COL4A4: variants seen among roughly 807,000 people sequenced by gnomAD.
COL4A4 encodes the protein collagen type IV alpha 4 chain, also known as collagen alpha-4(IV) chain.
Under a neutral mutation model 192.9 loss-of-function variants are expected in COL4A4, and 105 were observed. That is an observed-to-expected ratio of 0.54 (90% CI 0.46 to 0.64). The LOEUF is 0.64. COL4A4 is among the 30% of genes least tolerant of loss of function. The probability of loss-of-function intolerance (pLI) is 0.00; values close to 1 mark genes in which losing one functional copy is unlikely to be tolerated. For missense variants in COL4A4, 1,967 were observed against 2,169.3 expected (o/e 0.91, Z 1.85); for synonymous variants, 762 against 769.9 (o/e 0.99, Z 0.17).
chr2:227,045,733 C>G (rs1266055787), intron 35 of COL4A4, among the ~76,000 whole-genome samples: 1 of 144,172 alleles, frequency 6.9e-6, no homozygotes, highest in African/African-American at 2.6e-5. Context: ...TGTGCCACTC[C>G]ACTCCAGCCT....
intron 25 of COL4A4, among the ~76,000 whole-genome samples, chr2:227,063,931 G>C (rs370895968): frequency 1.3e-5 from 2 of 151,954 alleles, no homozygotes; most frequent in Non-Finnish European, 2.9e-5. Context: ...AAACAACAAA[G>C]ATATTTTAGC....
intron 36 of COL4A4, 30 bp from the exon 37 acceptor site, chr2:227,042,285 GC>G: frequency 7.9e-7 from 1 of 1,271,364 alleles, no homozygotes; most frequent in Non-Finnish European, 1.2e-6. Flanking sequence ...TTTGCAGATG[GC>G]CAGATAATAA....
chr2:226,971,491 C>T, the COL4A4 span, among the ~76,000 whole-genome samples: 1 of 152,196 alleles, frequency 6.6e-6, no homozygotes, highest in Non-Finnish European at 1.5e-5. Flanking sequence ...TTCTCTGTTA[C>T]AGCTAAGGCA....
At chr2:227,026,380 C>T (rs919138016) in intron 42 of COL4A4, among the ~76,000 whole-genome samples, 1 of 152,072 alleles carries the variant, frequency 6.6e-6, no homozygotes. Context: ...CGCCTGTAGT[C>T]CCAGCTACTC....
the COL4A4 span, among the ~76,000 whole-genome samples, chr2:226,992,707 T>G: frequency 1.3e-5 from 2 of 152,182 alleles, no homozygotes; most frequent in Admixed American, 1.3e-4. Flanking sequence ...CACATGTCCA[T>G]ATCCATGAAG....
Position 227,094,230 on chromosome 2 carries a change from C to T in COL4A4, c.1264G>A (p.Ala422Thr), listed in dbSNP as rs1249855254. The T allele has an allele frequency of 1.2e-6, 2 of 1,613,732 alleles. No homozygotes were observed. Among genetic ancestry groups the T allele is most frequent in the African/African-American group, 1.3e-5 (1 of 74,920 alleles). ...FPGLPGLPGEAGIPGRPDSAP... is the reference protein window; with the variant it reads ...FPGLPGLPGETGIPGRPDSAP... ...GAATCAGGTCTCCCAGGAATACCAG[C>T]TTCTCCTGGAAGCCCAGGAAGACCA... Residue 422 changes from alanine to threonine, a missense_variant, in exon 20 of 48, where the codon GCT (alanine) becomes ACT (threonine). Transcript: ENST00000396625.
chr2:227,084,686 C>T (rs2059492173), intron 22 of COL4A4, among the ~76,000 whole-genome samples: 1 of 152,104 alleles, frequency 6.6e-6, no homozygotes, highest in Non-Finnish European at 1.5e-5. Context: ...GAGAATACAG[C>T]AGTTAACTAG....
chr2:227,126,361 C>T (rs949039592), intron 4 of COL4A4, among the ~76,000 whole-genome samples: 3 of 152,124 alleles, frequency 2.0e-5, no homozygotes, highest in Non-Finnish European at 4.4e-5. Flanking sequence ...ATTCCTAGAA[C>T]GTTGGTTAAC....
chr2:226,985,232 C>T, the COL4A4 span, among the ~76,000 whole-genome samples: 1 of 152,156 alleles, frequency 6.6e-6, no homozygotes, highest in African/African-American at 2.4e-5. Flanking sequence ...GTTAAACTAT[C>T]TACATTCATA....
the COL4A4 span, among the ~76,000 whole-genome samples, chr2:226,970,547 G>A: frequency 3.3e-5 from 5 of 152,266 alleles, no homozygotes; most frequent in East Asian, 9.7e-4. Flanking sequence ...TTATTTTTAG[G>A]CACTGGTAGA....
chr2:227,072,063 T>C (rs1050281287), intron 25 of COL4A4, among the ~76,000 whole-genome samples: 4 of 151,078 alleles, frequency 2.6e-5, no homozygotes, highest in Non-Finnish European at 5.9e-5. Flanking sequence ...CCAAATGAAA[T>C]GCAAACCAAA....
intron 12 of COL4A4, among the ~76,000 whole-genome samples, chr2:227,105,730 T>G (rs554548292): frequency 3.9e-5 from 6 of 152,324 alleles, no homozygotes; most frequent in Admixed American, 1.3e-4. Flanking sequence ...TCTTTCTTTT[T>G]GTCATAGTTA....
chr2:227,030,919 T>TGGATGGATGGAC (rs1968155280), intron 40 of COL4A4, among the ~76,000 whole-genome samples: 1 of 122,120 alleles, frequency 8.2e-6, no homozygotes, highest in African/African-American at 3.3e-5. Context: ...TTTAATAAGA[T>TGGATGGATGGAC]GGATGGATGG....
chr2:227,099,572 A>C lies in COL4A4; in HGVS notation c.1099+48T>G, dbSNP rs768889267. 9.0e-6 allele frequency: 14 copies of C among 1,562,242 alleles called. No homozygotes were observed. The South Asian group carries it at 1.6e-4, about 17-fold the overall frequency. On this transcript the variant is annotated intron_variant, in intron 18 of 47. Transcript: ENST00000396625. ...CAGACTCTTCTGTCCTGGCCACTCA[A>C]CTCCTATTTCTGCATAATTTATGGA...
rs1972471427 is a variant in COL4A4 at position 227,045,838 on chromosome 2, A to G, written c.3289+1637T>C. Among the ~76,000 whole-genome samples, 4 of 84,572 alleles carry G rather than the reference A, an allele frequency of 4.7e-5. 1 individual carries two copies. The highest frequency in any genetic ancestry group is 3.5e-4 in the East Asian group (1 of 2,892). The allele number at this position is 84,572 out of a possible 152,430, so 55.5% of individuals were successfully genotyped here. ...TATACACATATATATATATACACAC[A>G]TATATATATACACATATATATATAC... On this transcript the variant is annotated intron_variant, in intron 35 of 47. Transcript: ENST00000396625.
At chr2:227,034,551 T>A (rs1969154914) in intron 37 of COL4A4, among the ~76,000 whole-genome samples, 1 of 148,576 alleles carries the variant, frequency 6.7e-6, no homozygotes. Flanking sequence ...CTTTTTTTTT[T>A]TTAATTAATT....
intron 37 of COL4A4, among the ~76,000 whole-genome samples, chr2:227,035,346 A>G (rs1299718294): frequency 6.6e-6 from 1 of 152,218 alleles, no homozygotes; most frequent in East Asian, 1.9e-4. Flanking sequence ...CAGTTTGCAT[A>G]TAAATAATTC....
intron 3 of COL4A4, among the ~76,000 whole-genome samples, chr2:227,143,407 C>T (rs2063348893): frequency 6.6e-6 from 1 of 152,096 alleles, no homozygotes; most frequent in Admixed American, 6.6e-5. Context: ...TGGGTAATAC[C>T]AAATCGCTTC....
At position 227,059,321 on chromosome 2, in the gene COL4A4, G is replaced by T. The variant is rs1014610386; in HGVS notation, c.2383+84C>A. On this transcript the variant is annotated intron_variant, in intron 28 of 47. Transcript: ENST00000396625. ...ACTGTTTATATTCTACATGCCTAAAGCAAAATAATCTAAACGTTCTTCAGT... is the reference window on the plus strand; with the variant it reads ...ACTGTTTATATTCTACATGCCTAAATCAAAATAATCTAAACGTTCTTCAGT... 12 of 1,187,198 alleles carry T rather than the reference G, an allele frequency of 1.0e-5. No individual in the cohort carries two copies. The African/African-American group carries it at 1.6e-4, about 16-fold the overall frequency. The allele number at this position is 1,187,198 out of a possible 1,614,324, so 73.5% of individuals were successfully genotyped here.
Sources: allele counts gnomAD v4.1 joint callset (sites outside exome capture counted in the v4.1 genomes callset), GRCh38; gene constraint gnomAD v4.1.1; transcripts MANE v1.5; gene names NCBI Gene and HGNC (gene_info 2026-07-23, HGNC 2026-07-21).